KIF19: variants seen among roughly 807,000 people sequenced by gnomAD.
The protein encoded by KIF19 is kinesin family member 19.
Under a neutral mutation model 106.6 loss-of-function variants are expected in KIF19, and 98 were observed. The ratio of observed to expected loss-of-function variants is 0.92; its 90% confidence interval spans 0.78 to 1.09. The LOEUF is 1.09. Among genes scored for constraint, KIF19 ranks in the 50% least tolerant of loss-of-function variants. KIF19 has a pLI of 0.00. For synonymous variants in KIF19, 516 were observed against 584.2 expected (o/e 0.88, Z 1.68); for missense variants, 1,373 against 1,414.3 (o/e 0.97, Z 0.47).
intron 8 of KIF19, among the ~76,000 whole-genome samples, chr17:74,347,242 A>C (rs2054558055): frequency 6.6e-6 from 1 of 152,172 alleles, no homozygotes; most frequent in Non-Finnish European, 1.5e-5. Context: ...CTGCCCCCTT[A>C]AAAAGCAAGG....
rs368900515 is a variant in KIF19 at position 74,343,231 on chromosome 17, G to A, written c.456+71G>A. 124 of 1,503,264 alleles carry A rather than the reference G, an allele frequency of 8.2e-5. 1 individual carries two copies. The South Asian group carries it at 9.1e-4, about 11-fold the overall frequency. 93.1% of individuals were successfully genotyped at this position (1,503,264 alleles called of 1,614,324 possible). On this transcript the variant is annotated intron_variant, in intron 5 of 19. Transcript: ENST00000389916. ...GGGGCTGGTCACTGTGCAGCTTCCC[G>A]GGGCGCTCATCACTGCTGCCCTCCT...
intron 2 of KIF19, among the ~76,000 whole-genome samples, chr17:74,329,890 T>C (rs2144192650): frequency 6.6e-6 from 1 of 152,324 alleles, no homozygotes; most frequent in South Asian, 2.1e-4. Context: ...GAGCACCTGA[T>C]GGGCCTGGGC....
At chr17:74,336,221 A>G (rs1017680445) in intron 2 of KIF19, among the ~76,000 whole-genome samples, 1 of 152,110 alleles carries the variant, frequency 6.6e-6, no homozygotes, top group Admixed American at 6.6e-5. Flanking sequence ...GGCGTGTACC[A>G]CCACACCCAG....
Position 74,341,911 on chromosome 17 carries a change from C to G in KIF19, c.156C>G (p.Asp52Glu). ...VVLMDPMEDP[D>E]DILRAHRSRE... is the part of the protein sequence containing the mutation. ...TCATGGACCCAATGGAGGATCCCGACGACATCCTGCGGGCGCATCGCTCCC... is the reference window on the plus strand; with the variant it reads ...TCATGGACCCAATGGAGGATCCCGAGGACATCCTGCGGGCGCATCGCTCCC... The change falls in exon 3 of 20, where the codon GAC (aspartate) becomes GAG (glutamate). Residue 52 changes from aspartate to glutamate, a missense_variant. Physicochemically the swap from Asp to Glu is conservative, Grantham distance 45. Coordinates refer to ENST00000389916, the MANE Select transcript of KIF19 (RefSeq NM_153209.4). 6.2e-7 allele frequency: 1 copy of G among 1,613,714 alleles called. No individual in the cohort carries two copies. Among genetic ancestry groups the G allele is most frequent in the Non-Finnish European group, 8.5e-7 (1 of 1,179,824 alleles).
At position 74,331,982 on chromosome 17, in the gene KIF19, T is replaced by C. The variant is rs2054094183; in HGVS notation, c.120+3477T>C. 6.6e-6 allele frequency among the ~76,000 whole-genome samples: 1 copy of C among 152,158 alleles called. No homozygotes were observed. Among genetic ancestry groups the C allele is most frequent in the African/African-American group, 2.4e-5 (1 of 41,430 alleles). On this transcript the variant is annotated intron_variant, in intron 2 of 19. Coordinates refer to ENST00000389916, the MANE Select transcript of KIF19 (RefSeq NM_153209.4). This position sits in a 1 kb window ranked among gnomAD's most constrained non-coding sequence, Gnocchi z 4.1. The stretch of plus-strand genomic sequence containing the variant: ...CACAATGCCTTCTTTAGAGGGTCCC[T>C]GTGGCTAACGGAGGCACAGTGCATA...
At position 74,349,270 on chromosome 17, in the gene KIF19, C is replaced by T. The variant is rs746662708; in HGVS notation, c.1134C>T (p.Leu378=). The T allele has an allele frequency of 5.6e-6, 9 of 1,613,312 alleles. No individual in the cohort carries two copies. The highest frequency in any genetic ancestry group is 1.1e-5 in the South Asian group (1 of 91,076). ...ACCTGCGGGGCGAGATCCAGCGACT[C>T]AAGCGCAAGATTGATGAGCAGACTG... ...IADLRGEIQR[L]KRKIDEQTGR... The change falls in exon 10 of 20, where the codon CTC becomes CTT. Residue 378 remains leucine (L), a synonymous_variant. Coordinates refer to ENST00000389916, the MANE Select transcript of KIF19 (RefSeq NM_153209.4).
In KIF19 at chr17:74,350,702, G is replaced by A. The variant is rs566285513; in HGVS notation, c.1389-5G>A. On this transcript the variant is annotated splice_region_variant and splice_polypyrimidine_tract_variant and intron_variant, in intron 11 of 19. Coordinates refer to ENST00000389916, the MANE Select transcript of KIF19 (RefSeq NM_153209.4). ...GCCCTGTCTCTCTGGGTGGGGCTGC[G>A]GCAGCTGGAAGCATGAGAAGTCCCG... The A allele has an allele frequency of 2.4e-5, 38 of 1,613,566 alleles. 1 individual carries two copies. In the South Asian group the frequency reaches 2.7e-4, roughly 12 times the overall value.
chr17:74,355,417 T>G lies in KIF19; in HGVS notation c.*105T>G. ...AGATGGAGATGACCAGGAAGTAAGC[T>G]CAGGATCTCAGCAGGCCAGGGCTCC... On this transcript the variant is annotated 3_prime_UTR_variant, in exon 20 of 20. Coordinates refer to ENST00000389916, the MANE Select transcript of KIF19 (RefSeq NM_153209.4). 7.2e-7 allele frequency: 1 copy of G among 1,381,398 alleles called. No individual in the cohort carries two copies. Among genetic ancestry groups the G allele is most frequent in the Non-Finnish European group, 9.6e-7 (1 of 1,046,102 alleles). The allele number at this position is 1,381,398 out of a possible 1,614,324, so 85.6% of individuals were successfully genotyped here. A position where few individuals can be genotyped will look rare whatever the true frequency, so the allele number is the denominator to read the frequency against.
intron 6 of KIF19, among the ~76,000 whole-genome samples, 164 bp downstream of exon 6, chr17:74,344,512 A>T (rs1412897595): frequency 1.3e-5 from 2 of 152,152 alleles, no homozygotes; most frequent in Non-Finnish European, 2.9e-5. Context: ...ACCTGCCCCA[A>T]TGCCCCCACC....
chr17:74,349,064 G>T, intron 9 of KIF19, 120 bp from the exon 10 acceptor site: 1 of 926,858 alleles, frequency 1.1e-6, no homozygotes, highest in Non-Finnish European at 1.7e-6. Context: ...AGGAAAGGAG[G>T]CCATTACTGT....
At chr17:74,352,171 C>T in intron 13 of KIF19, 34 bp downstream of exon 13, 4 of 1,587,932 alleles carry the variant, frequency 2.5e-6, no homozygotes, top group Non-Finnish European at 3.4e-6. Flanking sequence ...CTGAGCCACC[C>T]GCGGGGGGGC....
intron 11 of KIF19, 26 bp from the exon 12 acceptor site, chr17:74,350,681 T>A: frequency 6.2e-7 from 1 of 1,612,966 alleles, no homozygotes; most frequent in East Asian, 2.2e-5. Context: ...CTGAATGCCC[T>A]GTCTCTCTGG....
chr17:74,333,507 T>C (rs1407265179), intron 2 of KIF19, among the ~76,000 whole-genome samples: 1 of 151,924 alleles, frequency 6.6e-6, no homozygotes, highest in Admixed American at 6.6e-5. Flanking sequence ...GGATTACAGG[T>C]GTGTGCCACC....
chr17:74,354,789 AC>A lies in KIF19; in HGVS notation c.2718del (p.Lys907ArgfsTer123), dbSNP rs1175286842. ...ACTGTTCAACCATCACAGCTCTCCC[AC>A]CCCAAGACACACCTCCTGGGGCCCC... Reference protein sequence around the residue: ...SFEVTGQGLSHPKTHLLGPHQ... With the variant: ...SFEVTGQGLSXPKTHLLGPHQ... On this transcript the variant is annotated frameshift_variant, in exon 19 of 20. Transcript: ENST00000389916. LOFTEE classifies it high-confidence loss of function. 6.4e-7 allele frequency: 1 copy of A among 1,555,414 alleles called. No homozygotes were observed. The highest frequency in any genetic ancestry group is 8.7e-7 in the Non-Finnish European group (1 of 1,149,240).
chr17:74,340,280 G>A (rs191410764), intron 2 of KIF19, among the ~76,000 whole-genome samples: 10 of 152,194 alleles, frequency 6.6e-5, no homozygotes, highest in African/African-American at 1.2e-4. Context: ...AATGTCTCCC[G>A]TCATTTCCAT....
intron 2 of KIF19, chr17:74,329,123 T>C (rs565310067): frequency 6.6e-6 from 1 of 152,392 alleles, no homozygotes; most frequent in Non-Finnish European, 1.5e-5. Flanking sequence ...AAATGCTTAG[T>C]GGCATGAGAG....
chr17:74,354,112 T>C, intron 17 of KIF19, 50 bp from the exon 18 acceptor site: 1 of 1,555,348 alleles, frequency 6.4e-7, no homozygotes, highest in Non-Finnish European at 8.7e-7. Context: ...AGGAGGGTGT[T>C]GAGAGGTGGC....
At chr17:74,335,662 G>A (rs1379439718) in intron 2 of KIF19, among the ~76,000 whole-genome samples, 1 of 152,274 alleles carries the variant, frequency 6.6e-6, no homozygotes, top group East Asian at 1.9e-4. Flanking sequence ...TTGGGAGCCT[G>A]GAGCTGCAGC....
intron 2 of KIF19, among the ~76,000 whole-genome samples, chr17:74,336,310 C>G (rs959436363): frequency 9.2e-5 from 14 of 152,130 alleles, no homozygotes; most frequent in Non-Finnish European, 1.9e-4. Flanking sequence ...CTCAGGTGAT[C>G]GACCTCCCAA....
Sources: gnomAD v4.1 joint callset for allele counts (sites outside exome capture counted in the v4.1 genomes callset) on GRCh38, gnomAD v4.1.1 for gene constraint, Gnocchi (gnomAD v3.1) non-coding constraint, MANE v1.5 for transcripts, NCBI Gene and HGNC (gene_info 2026-07-23, HGNC 2026-07-21) for gene names.